RBFOX1: variants seen among roughly 807,000 people sequenced by gnomAD.
RBFOX1 encodes the protein RNA binding fox-1 homolog 1.
Under a neutral mutation model 57.7 loss-of-function variants are expected in RBFOX1, and 8 were observed. That is an observed-to-expected ratio of 0.14 (90% CI 0.08 to 0.25). The LOEUF (loss-of-function observed/expected upper bound fraction) is 0.25. RBFOX1 is among the 10% of genes least tolerant of loss of function. RBFOX1 has a pLI of 1.00. For missense variants in RBFOX1, 611 were observed against 548.5 expected (o/e 1.11, Z -1.14); for synonymous variants, 326 against 222.4 (o/e 1.47, Z -4.15).
At chr16:5,860,107 G>T (rs990715675) in intron 3 of RBFOX1, among the ~76,000 whole-genome samples, 8 of 152,058 alleles carry the variant, frequency 5.3e-5, no homozygotes, top group Non-Finnish European at 1.2e-4. Context: ...TTTTGTGATG[G>T]AGTCTCACTC....
At chr16:5,347,294 A>G (rs1249379044) in intron 1 of RBFOX1, among the ~76,000 whole-genome samples, 2 of 152,182 alleles carry the variant, frequency 1.3e-5, no homozygotes, top group Admixed American at 6.5e-5. Context: ...GTATATGTGC[A>G]TGTAGAAGTG....
In RBFOX1 at chr16:6,881,101, G is replaced by C. The variant is rs1283727349; in HGVS notation, c.-15-170956G>C. Among the ~76,000 whole-genome samples the C allele has an allele frequency of 3.3e-5, 5 of 152,134 alleles. No homozygotes were observed. The South Asian group carries it at 8.3e-4, about 25-fold the overall frequency. On this transcript the variant is annotated intron_variant, in intron 3 of 15. Transcript: ENST00000550418. Reference sequence around the variant, plus strand: ...ACTTTTACCCACTGAGTCTGAGCTGGTCTTACCATGCTTCTCAGTGAAGCG... The same window carrying C: ...ACTTTTACCCACTGAGTCTGAGCTGCTCTTACCATGCTTCTCAGTGAAGCG...
At chr16:5,720,230 A>C (rs1170609511) in intron 3 of RBFOX1, among the ~76,000 whole-genome samples, 1 of 152,030 alleles carries the variant, frequency 6.6e-6, no homozygotes, top group Non-Finnish European at 1.5e-5. Flanking sequence ...TTTTTTGGAG[A>C]CATGCCTGTT....
At chr16:6,410,512 C>T (rs1411915109) in intron 2 of RBFOX1, among the ~76,000 whole-genome samples, 3 of 151,778 alleles carry the variant, frequency 2.0e-5, no homozygotes, top group Non-Finnish European at 4.4e-5. Flanking sequence ...GGGGTTTCAC[C>T]GTGTTAGCCA....
intron 1 of RBFOX1, among the ~76,000 whole-genome samples, chr16:5,256,790 C>G (rs1019216523): frequency 1.3e-4 from 20 of 151,918 alleles, no homozygotes; most frequent in African/African-American, 4.8e-4. Flanking sequence ...AAAAATTAGC[C>G]CGGTGTGGTG....
chr16:6,963,559 G>T (rs550890973), intron 3 of RBFOX1, among the ~76,000 whole-genome samples: 3 of 152,136 alleles, frequency 2.0e-5, no homozygotes, highest in Non-Finnish European at 4.4e-5. Flanking sequence ...GTACATTTTG[G>T]CTGTGTTCTG....
chr16:5,692,289 A>G, intron 3 of RBFOX1, among the ~76,000 whole-genome samples: 1 of 152,008 alleles, frequency 6.6e-6, no homozygotes. Flanking sequence ...ATGTTGTGAG[A>G]AAACACTGTG....
At chr16:7,099,238 A>C (rs1473244937) in intron 4 of RBFOX1, among the ~76,000 whole-genome samples, 1 of 152,146 alleles carries the variant, frequency 6.6e-6, no homozygotes, top group Non-Finnish European at 1.5e-5. Flanking sequence ...AGAATGAGGG[A>C]GGGTAGATAC....
chr16:6,782,327 T>A (rs1287254981), intron 3 of RBFOX1, among the ~76,000 whole-genome samples: 1 of 152,208 alleles, frequency 6.6e-6, no homozygotes, highest in African/African-American at 2.4e-5. Context: ...ATCTTAGTAC[T>A]GCTTTTGCTG....
chr16:7,173,375 T>G (rs963564883), intron 4 of RBFOX1, among the ~76,000 whole-genome samples: 23 of 152,158 alleles, frequency 1.5e-4, no homozygotes, highest in African/African-American at 5.3e-4. Flanking sequence ...TTCACTGTCA[T>G]GCTATAAAAC....
intron 3 of RBFOX1, among the ~76,000 whole-genome samples, chr16:6,805,352 C>G (rs1456547948): frequency 6.6e-6 from 1 of 152,110 alleles, no homozygotes; most frequent in East Asian, 1.9e-4. Context: ...AACACATGGA[C>G]ACACAGAGGG....
At chr16:7,265,477 C>G (rs1439449905) in intron 4 of RBFOX1, among the ~76,000 whole-genome samples, 2 of 151,862 alleles carry the variant, frequency 1.3e-5, no homozygotes, top group African/African-American at 4.8e-5. Context: ...TAGATGTAGT[C>G]TTGCTCTGTC....
At chr16:7,177,027 A>G (rs1437861068) in intron 4 of RBFOX1, among the ~76,000 whole-genome samples, 1 of 152,226 alleles carries the variant, frequency 6.6e-6, no homozygotes, top group East Asian at 1.9e-4. Context: ...CATTGAGCAC[A>G]AAATTCAGGA....
At chr16:5,707,783 G>A (rs1373542176) in intron 3 of RBFOX1, among the ~76,000 whole-genome samples, 1 of 152,118 alleles carries the variant, frequency 6.6e-6, no homozygotes, top group Non-Finnish European at 1.5e-5. Flanking sequence ...TAAAGGACAT[G>A]GTGGAATACT....
chr16:6,226,469 A>T (rs370094629), intron 1 of RBFOX1, among the ~76,000 whole-genome samples: 2 of 152,048 alleles, frequency 1.3e-5, no homozygotes, highest in African/African-American at 4.8e-5. Flanking sequence ...AGGTAGTGAA[A>T]CTGAGGTCAG....
chr16:6,662,786 A>G (rs1234552455), intron 3 of RBFOX1, among the ~76,000 whole-genome samples: 1 of 148,650 alleles, frequency 6.7e-6, no homozygotes, highest in East Asian at 2.0e-4. Context: ...CTTTTGCATT[A>G]GAGTTACTTT....
chr16:5,781,304 T>C (rs571445578), intron 3 of RBFOX1, among the ~76,000 whole-genome samples: 1 of 152,328 alleles, frequency 6.6e-6, no homozygotes, highest in South Asian at 2.1e-4. Flanking sequence ...GGTTTATCCA[T>C]AGCCTCCTCC....
chr16:5,940,802 G>A (rs905218570), intron 4 of RBFOX1, among the ~76,000 whole-genome samples: 1 of 152,164 alleles, frequency 6.6e-6, no homozygotes, highest in African/African-American at 2.4e-5. Context: ...TATGGGACTT[G>A]GGCTGGCAGC....
intron 5 of RBFOX1, among the ~76,000 whole-genome samples, chr16:7,575,483 C>A (rs72774937): frequency 0.31 from 46,953 of 151,940 alleles, 8,727 homozygotes; most frequent in East Asian, 0.53. Context: ...AGTTTCACCC[C>A]CGCAGAGGGA....
Sources: gnomAD v4.1 joint callset for allele counts (sites outside exome capture counted in the v4.1 genomes callset) on GRCh38, gnomAD v4.1.1 for gene constraint, MANE v1.5 for transcripts, NCBI Gene and HGNC (gene_info 2026-07-23, HGNC 2026-07-21) for gene names.